Variants in FIG4 observed in about 807,000 individuals in gnomAD.
FIG4 encodes the protein polyphosphoinositide phosphatase.
A neutral mutation model predicts 118.6 loss-of-function variants in FIG4; 112 were observed. The observed-to-expected ratio is 0.94, with a 90% confidence interval of 0.81 to 1.11. The LOEUF (loss-of-function observed/expected upper bound fraction) is 1.11. Ranked by LOEUF, FIG4 falls within the 50% of genes least tolerant of loss-of-function variation. FIG4 has a pLI of 0.00. For missense variants in FIG4, 969 were observed against 1,111.7 expected (o/e 0.87, Z 1.83); for synonymous variants, 369 against 381.2 (o/e 0.97, Z 0.37).
At chr6:109,749,104 T>TGTGTGTGTGTGTGTGTG (rs1203351746) in intron 10 of FIG4, among the ~76,000 whole-genome samples, 4 of 143,684 alleles carry the variant, frequency 2.8e-5, no homozygotes, top group African/African-American at 1.1e-4. Context: ...TGTGTGTGTG[T>TGTGTGTGTGTGTGTGTG]TTTAAATCAA....
chr6:109,783,006 T>C lies in FIG4; in HGVS notation c.1890-1964T>C, dbSNP rs115066188. On this transcript the variant is annotated intron_variant, in intron 16 of 22. Coordinates refer to ENST00000230124, the MANE Select transcript of FIG4 (RefSeq NM_014845.6). ...ACTACTGTTATCCTCAGCAAACTAA[T>C]GCAGGAACAGAAAACTAAACACTGC... 3.3e-3 allele frequency among the ~76,000 whole-genome samples: 501 copies of C among 152,342 alleles called. 3 individuals are homozygous for C. Among genetic ancestry groups the C allele is most frequent in the African/African-American group, 0.012 (485 of 41,578 alleles).
In FIG4 at chr6:109,763,982, G is replaced by A. The variant is rs1430381590; in HGVS notation, c.1434G>A (p.Gln478=). 2 of 1,592,294 alleles carry A rather than the reference G, an allele frequency of 1.3e-6. No individual in the cohort carries two copies. The highest frequency in any genetic ancestry group is 1.7e-5 in the Admixed American group (1 of 59,970). The change falls in exon 13 of 23, where the codon CAG becomes CAA. Residue 478 remains glutamine (Q), a splice_region_variant and synonymous_variant. Transcript: ENST00000230124. ...GTGTGATTCCCACTGGTCGCCTGCA[G>A]GTATACACAGTATTACAATTCGTAA... The part of the protein sequence containing the change: ...GGCVIPTGRL[Q]TGILRTNCVD...
At chr6:109,766,235 A>G (rs1026618182) in intron 14 of FIG4, among the ~76,000 whole-genome samples, 1 of 152,232 alleles carries the variant, frequency 6.6e-6, no homozygotes, top group East Asian at 1.9e-4. Flanking sequence ...ACCAGACACT[A>G]CATCTACCAG....
intron 22 of FIG4, among the ~76,000 whole-genome samples, chr6:109,822,111 C>T (rs1384963695): frequency 2.6e-5 from 4 of 152,074 alleles, no homozygotes. Flanking sequence ...TTGAAATGAG[C>T]AGGACTATAG....
chr6:109,722,638 T>C (rs1775646197), intron 3 of FIG4, among the ~76,000 whole-genome samples: 1 of 152,240 alleles, frequency 6.6e-6, no homozygotes, highest in East Asian at 1.9e-4. Context: ...TTTAGTACTT[T>C]ATGGCATCCC....
chr6:109,698,512 G>A (rs1320175319), intron 1 of FIG4, among the ~76,000 whole-genome samples: 2 of 152,152 alleles, frequency 1.3e-5, no homozygotes, highest in African/African-American at 4.8e-5. Flanking sequence ...TTGACCTATG[G>A]CCCTGGCCAG....
At chr6:109,731,556 CTG>C (rs1000305163) in intron 4 of FIG4, among the ~76,000 whole-genome samples, 5 of 152,108 alleles carry the variant, frequency 3.3e-5, no homozygotes, top group Non-Finnish European at 5.9e-5. Context: ...TTGAAAAAAA[CTG>C]TGTCTGTACT....
intron 1 of FIG4, among the ~76,000 whole-genome samples, chr6:109,713,089 G>T (rs1167588391): frequency 3.9e-5 from 6 of 152,206 alleles, no homozygotes; most frequent in African/African-American, 1.4e-4. Flanking sequence ...GCTCCTCGAG[G>T]TTAGGTATCC....
At position 109,765,152 on chromosome 6, in the gene FIG4, A is replaced by G. The variant is rs1418156809; in HGVS notation, c.1574A>G (p.Asp525Gly). ...AAACCTAATCTACAGTTTGATACAG[A>G]TGCAGTTAGGTAAGTCTTATTTTTT... Reference protein sequence around the residue: ...IDKPNLQFDTDAVRLFEELYE... With the variant: ...IDKPNLQFDTGAVRLFEELYE... The change falls in exon 14 of 23, where the codon GAT (aspartate) becomes GGT (glycine). Residue 525 changes from aspartate (D) to glycine (G), a missense_variant. Asp to Gly is a moderately conservative substitution (Grantham distance 94, BLOSUM62 -1). This residue lies in a region of FIG4 where 246 missense variants were observed against 354.3 expected (regional missense o/e 0.69). Transcript: ENST00000230124. 27 of 1,613,940 alleles carry G rather than the reference A, an allele frequency of 1.7e-5. No homozygotes were observed. Among genetic ancestry groups the G allele is most frequent in the Non-Finnish European group, 3.4e-6 (4 of 1,179,914 alleles).
At chr6:109,742,933 A>G (rs1011314851) in intron 8 of FIG4, among the ~76,000 whole-genome samples, 177 bp from the exon 9 acceptor site, 1 of 151,696 alleles carries the variant, frequency 6.6e-6, no homozygotes, top group Non-Finnish European at 1.5e-5. Flanking sequence ...TTATATTTTA[A>G]TGGTTTTGCT....
intron 2 of FIG4, 46 bp downstream of exon 2, chr6:109,715,222 T>C (rs1775393824): frequency 3.3e-6 from 3 of 909,550 alleles, no homozygotes; most frequent in South Asian, 1.3e-5. Context: ...TCATACCTGT[T>C]GTTTAAAGGA....
chr6:109,760,244 A>T lies in FIG4; in HGVS notation c.1138-6A>T, dbSNP rs774262839. 6.2e-7 allele frequency: 1 copy of T among 1,612,438 alleles called. No homozygotes were observed. The highest frequency in any genetic ancestry group is 1.1e-5 in the South Asian group (1 of 91,048). On this transcript the variant is annotated splice_region_variant and splice_polypyrimidine_tract_variant and intron_variant, in intron 10 of 22. Transcript: ENST00000230124. ...GAACACTGAAAATGTTTAATTTTTGATAAAGGAACGAGAGAAAAGAAAGCA... is the reference window on the plus strand; with the variant it reads ...GAACACTGAAAATGTTTAATTTTTGTTAAAGGAACGAGAGAAAAGAAAGCA...
At chr6:109,714,970 A>C (rs1024344759) in intron 1 of FIG4, 108 bp from the exon 2 acceptor site, 26 of 635,578 alleles carry the variant, frequency 4.1e-5, no homozygotes, top group Non-Finnish European at 7.3e-5. Context: ...TTTCTTTAAA[A>C]AGTAACCTGA....
intron 10 of FIG4, among the ~76,000 whole-genome samples, chr6:109,758,572 C>T (rs1776996452): frequency 6.6e-6 from 1 of 152,084 alleles, no homozygotes; most frequent in Non-Finnish European, 1.5e-5. Context: ...ACTAAAACAC[C>T]AAAAGCAATG....
chr6:109,712,391 G>A (rs187444347), intron 1 of FIG4, among the ~76,000 whole-genome samples: 89 of 152,238 alleles, frequency 5.8e-4, no homozygotes, highest in Admixed American at 2.0e-3. Context: ...CCAGTGAGTC[G>A]TAGAGTCAGT....
At chr6:109,717,561 A>C (rs1775473118) in intron 3 of FIG4, among the ~76,000 whole-genome samples, 1 of 152,228 alleles carries the variant, frequency 6.6e-6, no homozygotes, top group Non-Finnish European at 1.5e-5. Flanking sequence ...TGTAGTATGA[A>C]TTAAATGGTG....
intron 1 of FIG4, among the ~76,000 whole-genome samples, chr6:109,695,409 T>C (rs76815735): frequency 0.028 from 4,204 of 152,228 alleles, 96 homozygotes; most frequent in East Asian, 0.11. Flanking sequence ...AATTCCCATG[T>C]TTGATGAGAG....
intron 15 of FIG4, among the ~76,000 whole-genome samples, chr6:109,770,302 A>G (rs1490680749): frequency 1.3e-5 from 2 of 152,168 alleles, no homozygotes; most frequent in Non-Finnish European, 2.9e-5. Context: ...TATAAAAAAA[A>G]GATAAGAAAC....
chr6:109,738,188 G>A, intron 6 of FIG4, 137 bp from the exon 7 acceptor site: 2 of 725,824 alleles, frequency 2.8e-6, no homozygotes, highest in Non-Finnish European at 4.8e-6. Flanking sequence ...ATGTTACTTT[G>A]AAGTTAAAAA....
Sources: allele counts gnomAD v4.1 joint callset (sites outside exome capture counted in the v4.1 genomes callset), GRCh38; gene constraint gnomAD v4.1.1; regional missense constraint gnomAD v4.1.1; transcripts MANE v1.5; gene names NCBI Gene and HGNC (gene_info 2026-07-23, HGNC 2026-07-21).